ARSG: variants seen among roughly 807,000 people sequenced by gnomAD.
ARSG encodes the protein ASG.
Under a neutral mutation model 50.5 loss-of-function variants are expected in ARSG, and 37 were observed. The ratio of observed to expected loss-of-function variants is 0.73; its 90% CI spans 0.56 to 0.96. The LOEUF is 0.96. Among genes scored for constraint, ARSG ranks in the 50% least tolerant of loss-of-function variants. The probability of loss-of-function intolerance (pLI) is 0.00; values close to 1 mark genes in which losing one functional copy is unlikely to be tolerated. For missense variants in ARSG, 629 were observed against 675.3 expected (o/e 0.93, Z 0.76); for synonymous variants, 225 against 254.6 (o/e 0.88, Z 1.11).
chr17:68,263,919 G>T (rs782390981), intron 1 of ARSG, among the ~76,000 whole-genome samples: 2 of 152,006 alleles, frequency 1.3e-5, no homozygotes, highest in Non-Finnish European at 2.9e-5. Flanking sequence ...GTGCAGTGGC[G>T]TGATCTCGAC....
At chr17:68,265,541 T>C (rs1172811320) in intron 1 of ARSG, among the ~76,000 whole-genome samples, 1 of 152,172 alleles carries the variant, frequency 6.6e-6, no homozygotes, top group Non-Finnish European at 1.5e-5. Flanking sequence ...ATCTTTCCTA[T>C]TTTGGGGCAG....
At chr17:68,261,483 G>C (rs544408667) in intron 1 of ARSG, among the ~76,000 whole-genome samples, 4 of 152,070 alleles carry the variant, frequency 2.6e-5, no homozygotes, top group Non-Finnish European at 4.4e-5. Context: ...GGGCTCAAGT[G>C]GTCCTCCCGC....
intron 2 of ARSG, among the ~76,000 whole-genome samples, chr17:68,314,943 TG>T (rs2077014290): frequency 6.6e-6 from 1 of 152,216 alleles, no homozygotes; most frequent in African/African-American, 2.4e-5. Flanking sequence ...GGCTGTGCAT[TG>T]GGGCCAACAC....
At chr17:68,313,260 C>CA (rs1430397380) in intron 2 of ARSG, among the ~76,000 whole-genome samples, 13 of 151,204 alleles carry the variant, frequency 8.6e-5, no homozygotes, top group East Asian at 1.9e-4. Flanking sequence ...GACTCCATCT[C>CA]AAAAAAAACA....
chr17:68,433,668 T>C, the ARSG span: 1 of 987,306 alleles, frequency 1.0e-6, no homozygotes, highest in Non-Finnish European at 1.5e-6. Flanking sequence ...AAATCAGATG[T>C]ATCCTGAAGA....
At chr17:68,412,140 C>T (rs1449557966) in intron 11 of ARSG, among the ~76,000 whole-genome samples, 4 of 150,742 alleles carry the variant, frequency 2.7e-5, no homozygotes, top group African/African-American at 7.3e-5. Context: ...AATATTGTTA[C>T]ATGTGAATTT....
downstream of ARSG, chr17:68,422,004 A>T: frequency 6.1e-6 from 4 of 657,224 alleles, no homozygotes; most frequent in Admixed American, 9.7e-5. Context: ...GTAGACAAGT[A>T]TGACACAGTT....
At chr17:68,310,099 G>A (rs1421897657) in intron 2 of ARSG, among the ~76,000 whole-genome samples, 5 of 151,540 alleles carry the variant, frequency 3.3e-5, no homozygotes, top group Admixed American at 1.3e-4. Flanking sequence ...TCAGCCTCCC[G>A]AGTAGCTGGG....
intron 4 of ARSG, among the ~76,000 whole-genome samples, chr17:68,347,534 G>A (rs1188461589): frequency 1.3e-5 from 2 of 152,156 alleles, no homozygotes; most frequent in Non-Finnish European, 1.5e-5. Flanking sequence ...TGGGTTCACC[G>A]AAGCAGGAAA....
intron 6 of ARSG, among the ~76,000 whole-genome samples, chr17:68,363,840 G>C (rs188937067): frequency 6.6e-4 from 101 of 152,266 alleles, no homozygotes; most frequent in Non-Finnish European, 1.2e-3. Context: ...GTGATGCCAG[G>C]GTCTAGTGGA....
At chr17:68,391,266 T>G (rs1336789354) in intron 9 of ARSG, among the ~76,000 whole-genome samples, 1 of 152,108 alleles carries the variant, frequency 6.6e-6, no homozygotes, top group Non-Finnish European at 1.5e-5. Flanking sequence ...AGGGCTAAGC[T>G]CTTGGGCTTG....
the ARSG span, chr17:68,450,703 A>G: frequency 3.2e-6 from 5 of 1,586,104 alleles, no homozygotes; most frequent in Non-Finnish European, 4.3e-6. Context: ...GAAGCTTTGA[A>G]ACCCTGAGGG....
rs755115118 is a variant in ARSG, at chr17:68,401,420, C to T, written c.1273C>T (p.Leu425=). 12 of 1,613,944 alleles carry T rather than the reference C, an allele frequency of 7.4e-6. No individual in the cohort carries two copies. The East Asian group carries it at 2.7e-4, about 36-fold the overall frequency. The change falls in exon 11 of 12, where the codon CTG becomes TTG. Residue 425 remains leucine, a synonymous_variant. Coordinates refer to ENST00000621439, the MANE Select transcript of ARSG (RefSeq NM_001267727.2). ...GTTTGGAGCCCTGCAGACTGTCCGC[C>T]TGGAGCGTTACAAGGCCTTCTACAT... ...GEFGALQTVR[L]ERYKAFYITG...
chr17:68,375,750 C>T (rs1299868484), intron 8 of ARSG, among the ~76,000 whole-genome samples: 2 of 152,006 alleles, frequency 1.3e-5, no homozygotes, highest in African/African-American at 4.8e-5. Flanking sequence ...GGGCAGCAGC[C>T]CGGGCAGGGG....
the ARSG span, among the ~76,000 whole-genome samples, chr17:68,446,180 T>G: frequency 1.3e-5 from 2 of 152,016 alleles, no homozygotes; most frequent in Non-Finnish European, 2.9e-5. Context: ...TTAAACACAT[T>G]TCTCAATTTT....
At chr17:68,341,894 A>G (rs1016670375) in intron 2 of ARSG, among the ~76,000 whole-genome samples, 3 of 152,092 alleles carry the variant, frequency 2.0e-5, no homozygotes, top group Non-Finnish European at 2.9e-5. Flanking sequence ...ATCTTGGCTC[A>G]CTGCAACCTC....
At chr17:68,263,235 G>C (rs1555745623) in intron 1 of ARSG, among the ~76,000 whole-genome samples, 1 of 83,618 alleles carries the variant, frequency 1.2e-5, no homozygotes, top group African/African-American at 8.4e-5. Flanking sequence ...CCTTTAGAGA[G>C]TCATTAACGA....
chr17:68,408,242 T>G (rs1447544370), intron 11 of ARSG, among the ~76,000 whole-genome samples: 1 of 151,188 alleles, frequency 6.6e-6, no homozygotes, highest in Admixed American at 6.6e-5. Flanking sequence ...TCATCTAGCA[T>G]TAGGCATATC....
intron 2 of ARSG, among the ~76,000 whole-genome samples, chr17:68,314,045 T>C (rs1040108576): frequency 1.3e-5 from 2 of 152,142 alleles, no homozygotes; most frequent in Non-Finnish European, 2.9e-5. Flanking sequence ...TCAGTATCTG[T>C]CGCATTAAAG....
Sources: allele counts gnomAD v4.1 joint callset (sites outside exome capture counted in the v4.1 genomes callset), GRCh38; gene constraint gnomAD v4.1.1; transcripts MANE v1.5; gene names NCBI Gene and HGNC (gene_info 2026-07-23, HGNC 2026-07-21).